The following SH3KBP1 variants were observed in gnomAD, a reference collection of about 807,000 sequenced individuals.
SH3KBP1 encodes SH3 domain-containing kinase-binding protein 1.
In SH3KBP1, 8 loss-of-function variants were observed where a neutral mutation model predicts 50.1. That is an observed-to-expected ratio of 0.16 (90% CI 0.09 to 0.29). SH3KBP1 has a LOEUF of 0.29. Ranked by LOEUF, SH3KBP1 falls within the 10% of genes least tolerant of loss-of-function variation. The probability of loss-of-function intolerance (pLI) is 1.00; values close to 1 mark genes in which losing one functional copy is unlikely to be tolerated. For synonymous variants in SH3KBP1, 227 were observed against 218.6 expected (o/e 1.04, Z -0.34); for missense variants, 377 against 535.2 (o/e 0.70, Z 2.92).
At chrX:19,564,114 T>C (rs943414618) in intron 13 of SH3KBP1, among the ~76,000 whole-genome samples, 5 of 112,085 alleles carry the variant, frequency 4.5e-5, no homozygotes, top group African/African-American at 1.6e-4. Flanking sequence ...GTTTAAAATA[T>C]GTATTTTAAA....
chrX:19,653,729 C>CAT (rs1369173594), intron 6 of SH3KBP1, among the ~76,000 whole-genome samples: 2 of 103,944 alleles, frequency 1.9e-5, no homozygotes, highest in East Asian at 3.1e-4. Flanking sequence ...TATACACACA[C>CAT]ATATATATAC....
intron 3 of SH3KBP1, among the ~76,000 whole-genome samples, chrX:19,728,752 A>G (rs1191715476): frequency 2.7e-5 from 3 of 111,937 alleles, no homozygotes; most frequent in Admixed American, 9.5e-5. Flanking sequence ...CAAAAGCTTA[A>G]TAACCAAATG....
chrX:19,539,919 C>T (rs755015531), intron 16 of SH3KBP1, among the ~76,000 whole-genome samples: 2 of 111,840 alleles, frequency 1.8e-5, no homozygotes, highest in East Asian at 5.6e-4. Context: ...TATTTGCAGG[C>T]TTCACAGTGG....
intron 1 of SH3KBP1, among the ~76,000 whole-genome samples, chrX:19,851,105 A>T (rs2068496800): frequency 9.0e-6 from 1 of 110,713 alleles, no homozygotes; most frequent in South Asian, 3.9e-4. Flanking sequence ...TACCCCTACT[A>T]CTCTCCTAAA....
chrX:19,541,491 C>T (rs762991068), intron 16 of SH3KBP1, among the ~76,000 whole-genome samples: 57 of 112,145 alleles, frequency 5.1e-4, no homozygotes, highest in Non-Finnish European at 9.6e-4. Context: ...ACTGGTACCT[C>T]AATGCAGGCC....
In SH3KBP1 at chrX:19,773,494, A is replaced by AACACAC. The variant is rs749894154; in HGVS notation, c.163-27059_163-27054dup. On this transcript the variant is annotated intron_variant, in intron 2 of 17. Coordinates refer to ENST00000397821, the MANE Select transcript of SH3KBP1 (RefSeq NM_031892.3). The stretch of plus-strand genomic sequence containing the variant: ...TCTCTCTCTCTCTCTCACACACACA[A>AACACAC]ACACACACACACACACACACACACA... Among the ~76,000 whole-genome samples, 137 of 94,509 alleles carry AACACAC rather than the reference A, an allele frequency of 1.4e-3. 1 individual carries two copies. The highest frequency in any genetic ancestry group is 5.4e-3 in the Middle Eastern group (1 of 186). 82.1% of individuals were successfully genotyped at this position (94,509 alleles called of 115,157 possible).
chrX:19,627,923 C>T (rs2061493968), intron 8 of SH3KBP1, among the ~76,000 whole-genome samples: 1 of 112,519 alleles, frequency 8.9e-6, no homozygotes, highest in Non-Finnish European at 1.9e-5. Flanking sequence ...TCAACTCCTA[C>T]ATCCAATAAA....
intron 13 of SH3KBP1, among the ~76,000 whole-genome samples, chrX:19,555,291 A>T (rs2065454948): frequency 8.9e-6 from 1 of 112,009 alleles, no homozygotes; most frequent in South Asian, 3.7e-4. Context: ...GGCACGATGG[A>T]GTTGGCTTGG....
intron 1 of SH3KBP1, among the ~76,000 whole-genome samples, chrX:19,876,202 TA>T (rs2069245665): frequency 9.1e-6 from 1 of 110,072 alleles, no homozygotes; most frequent in African/African-American, 3.3e-5. Context: ...CCACTAAAAA[TA>T]CAAAAAAATT....
intron 2 of SH3KBP1, among the ~76,000 whole-genome samples, chrX:19,819,064 T>C (rs1248141504): frequency 8.9e-6 from 1 of 112,252 alleles, no homozygotes; most frequent in Admixed American, 9.5e-5. Context: ...TGGAAGCTTT[T>C]ACATGACAAA....
intron 4 of SH3KBP1, among the ~76,000 whole-genome samples, chrX:19,702,995 AG>A (rs775608834): frequency 1.1e-4 from 12 of 112,304 alleles, no homozygotes; most frequent in Non-Finnish European, 1.9e-4. Context: ...CTCTCCAGCC[AG>A]GAGCCAGAAG....
intron 1 of SH3KBP1, among the ~76,000 whole-genome samples, chrX:19,839,649 C>T (rs1315625142): frequency 8.9e-6 from 1 of 112,560 alleles, no homozygotes; most frequent in African/African-American, 3.2e-5. Flanking sequence ...CTTAAGTAAT[C>T]ATGCACAGCC....
chrX:19,628,406 G>A (rs1018017422), intron 8 of SH3KBP1, among the ~76,000 whole-genome samples: 1 of 111,131 alleles, frequency 9.0e-6, no homozygotes, highest in Admixed American at 9.6e-5. Context: ...CAGCTTTATG[G>A]CCCTTGCTTT....
At chrX:19,572,349 T>C (rs1456037895) in intron 12 of SH3KBP1, among the ~76,000 whole-genome samples, 1 of 106,068 alleles carries the variant, frequency 9.4e-6, no homozygotes, top group African/African-American at 3.4e-5. Context: ...ATATAGTACA[T>C]ATATATGTAT....
At chrX:19,577,626 G>A (rs1602533538) in intron 12 of SH3KBP1, among the ~76,000 whole-genome samples, 1 of 110,788 alleles carries the variant, frequency 9.0e-6, no homozygotes, top group African/African-American at 3.3e-5. Context: ...AATTTAGCCT[G>A]CGTTGGGACA....
chrX:19,813,160 AAAGAAG>A (rs370190945), intron 2 of SH3KBP1, among the ~76,000 whole-genome samples: 13,046 of 104,395 alleles, frequency 0.12, 766 homozygotes, highest in African/African-American at 0.18. Flanking sequence ...AAACAAAAAA[AAAGAAG>A]AAGAAGAAGA....
chrX:19,887,097 G>A (rs1343448052), intron 1 of SH3KBP1, among the ~76,000 whole-genome samples: 1 of 111,554 alleles, frequency 9.0e-6, no homozygotes, highest in Admixed American at 9.3e-5. Flanking sequence ...GGCCCCCGCG[G>A]GTTCCCGTCG....
intron 13 of SH3KBP1, among the ~76,000 whole-genome samples, chrX:19,550,478 G>GC (rs2065208290): frequency 9.0e-6 from 1 of 111,653 alleles, no homozygotes; most frequent in Non-Finnish European, 1.9e-5. Context: ...AGGTACAACA[G>GC]CCACAAGCGA....
intron 1 of SH3KBP1, among the ~76,000 whole-genome samples, chrX:19,873,457 G>C (rs1001945250): frequency 9.4e-6 from 1 of 106,666 alleles, no homozygotes; most frequent in African/African-American, 3.4e-5. Flanking sequence ...GATCACCCGA[G>C]GTCAGGAGTT....
Sources: gnomAD v4.1 joint callset for allele counts (sites outside exome capture counted in the v4.1 genomes callset) on GRCh38, gnomAD v4.1.1 for gene constraint, MANE v1.5 for transcripts, NCBI Gene and HGNC (gene_info 2026-07-23, HGNC 2026-07-21) for gene names.